ATF2: variants seen among roughly 807,000 people sequenced by gnomAD.
ATF2 encodes cyclic AMP-dependent transcription factor ATF-2.
In ATF2, 24 loss-of-function variants were observed where a neutral mutation model predicts 60.6. That is an observed-to-expected ratio of 0.40 (90% CI 0.29 to 0.56). The LOEUF (loss-of-function observed/expected upper bound fraction) is 0.56. ATF2 is among the 20% of genes least tolerant of loss of function. The probability of loss-of-function intolerance (pLI) is 0.54; values close to 1 mark genes in which losing one functional copy is unlikely to be tolerated. For synonymous variants in ATF2, 206 were observed against 215.4 expected (o/e 0.96, Z 0.38); for missense variants, 433 against 607.7 (o/e 0.71, Z 3.02).
In ATF2 at chr2:175,088,440, A is replaced by T. The variant is rs1211327449; in HGVS notation, c.1185+4621T>A. 2.6e-5 allele frequency among the ~76,000 whole-genome samples: 4 copies of T among 152,198 alleles called. No homozygotes were observed. The East Asian group carries it at 7.7e-4, about 29-fold the overall frequency. On this transcript the variant is annotated intron_variant, in intron 12 of 13. Transcript: ENST00000264110. ...ATTTTCTATAAGTCAACGGACCAAT[A>T]AAACCTTTTCCACATCATTAACTTA...
intron 1 of ATF2, among the ~76,000 whole-genome samples, chr2:175,156,377 CA>C (rs57399474): frequency 0.035 from 1,948 of 55,960 alleles, 6 homozygotes; most frequent in African/African-American, 0.057. Context: ...TCTCAAAAAA[CA>C]AAAAAAAAAA....
chr2:175,101,207 CTG>C (rs1165040897), intron 10 of ATF2, among the ~76,000 whole-genome samples: 1 of 152,044 alleles, frequency 6.6e-6, no homozygotes, highest in Non-Finnish European at 1.5e-5. Flanking sequence ...TGGATTAAAA[CTG>C]AAATTAAATG....
intron 2 of ATF2, among the ~76,000 whole-genome samples, chr2:175,142,698 A>G (rs1042170734): frequency 8.0e-5 from 9 of 112,776 alleles, no homozygotes; most frequent in African/African-American, 2.8e-4. Context: ...AGAGAGAGAG[A>G]GAGAGAGAGA....
intron 12 of ATF2, among the ~76,000 whole-genome samples, chr2:175,089,689 C>T (rs1341086652): frequency 2.0e-5 from 3 of 152,154 alleles, no homozygotes; most frequent in Non-Finnish European, 4.4e-5. Context: ...TACAATCTGT[C>T]ACTTTTAAAA....
At chr2:175,140,702 T>C (rs1183319841) in intron 2 of ATF2, among the ~76,000 whole-genome samples, 1 of 150,752 alleles carries the variant, frequency 6.6e-6, no homozygotes, top group Non-Finnish European at 1.5e-5. Flanking sequence ...AAATAATAAA[T>C]CCTGCCCAAG....
chr2:175,086,255 T>C (rs142281571), intron 12 of ATF2, among the ~76,000 whole-genome samples: 5 of 152,312 alleles, frequency 3.3e-5, no homozygotes, highest in South Asian at 2.1e-4. Context: ...TGTACTCTAA[T>C]AGTCGATTTC....
At chr2:175,100,331 G>A (rs1428025466) in intron 10 of ATF2, among the ~76,000 whole-genome samples, 2 of 152,094 alleles carry the variant, frequency 1.3e-5, no homozygotes, top group Non-Finnish European at 2.9e-5. Flanking sequence ...TACTACTGAG[G>A]CCTCTATTTT....
At chr2:175,110,501 T>G (rs1359982445) in intron 10 of ATF2, among the ~76,000 whole-genome samples, 2 of 152,238 alleles carry the variant, frequency 1.3e-5, no homozygotes, top group Non-Finnish European at 2.9e-5. Context: ...TTGTTAGCCC[T>G]ATTATGATAT....
intron 12 of ATF2, among the ~76,000 whole-genome samples, chr2:175,083,002 C>G (rs912301376): frequency 6.6e-6 from 1 of 151,966 alleles, no homozygotes; most frequent in African/African-American, 2.4e-5. Flanking sequence ...AAAGAGGATA[C>G]AAACAAATGG....
chr2:175,127,848 C>T (rs992476478), intron 4 of ATF2, among the ~76,000 whole-genome samples: 8 of 152,022 alleles, frequency 5.3e-5, no homozygotes, highest in African/African-American at 1.5e-4. Flanking sequence ...ATGTTTACCT[C>T]GCTCTACATC....
At chr2:175,135,342 T>C (rs1698063631) in intron 3 of ATF2, among the ~76,000 whole-genome samples, 1 of 152,116 alleles carries the variant, frequency 6.6e-6, no homozygotes, top group African/African-American at 2.4e-5. Context: ...CGAAAGTGAA[T>C]CTAATCAAGC....
chr2:175,145,651 T>C (rs147943845), intron 2 of ATF2, among the ~76,000 whole-genome samples: 29 of 152,280 alleles, frequency 1.9e-4, no homozygotes, highest in Non-Finnish European at 3.5e-4. Context: ...GGACCTCAGC[T>C]CCTTGAAGAA....
chr2:175,158,760 T>C (rs1401468389), intron 1 of ATF2, among the ~76,000 whole-genome samples: 1 of 151,794 alleles, frequency 6.6e-6, no homozygotes, highest in Non-Finnish European at 1.5e-5. Context: ...GCCAGGAAAA[T>C]TTTAAATTGT....
intron 2 of ATF2, among the ~76,000 whole-genome samples, chr2:175,148,884 A>T (rs1373184052): frequency 6.6e-6 from 1 of 152,050 alleles, no homozygotes; most frequent in African/African-American, 2.4e-5. Flanking sequence ...ACCTTTCTGG[A>T]CCCAATCAAT....
Position 175,111,549 on chromosome 2 carries a change from C to A in ATF2, c.828+19G>T. On this transcript the variant is annotated intron_variant, in intron 10 of 13. Transcript: ENST00000264110. The stretch of plus-strand genomic sequence containing the variant: ...AAACAGCCTCAAGCAATGTACAGAA[C>A]AAATAAAATCTGGCTTACCATTTTT... 1 of 1,595,620 alleles carries A rather than the reference C, an allele frequency of 6.3e-7. No individual in the cohort carries two copies. The highest frequency in any genetic ancestry group is 8.6e-7 in the Non-Finnish European group (1 of 1,163,946).
At chr2:175,133,164 A>T (rs1697867948) in intron 3 of ATF2, among the ~76,000 whole-genome samples, 1 of 152,200 alleles carries the variant, frequency 6.6e-6, no homozygotes, top group Admixed American at 6.5e-5. Context: ...AATCTGTAAC[A>T]AAATGCAAAA....
At chr2:175,079,853 T>G (rs1457735574) in intron 13 of ATF2, among the ~76,000 whole-genome samples, 1 of 152,154 alleles carries the variant, frequency 6.6e-6, no homozygotes, top group African/African-American at 2.4e-5. Flanking sequence ...CACTAAATCA[T>G]AAAGACTAAA....
chr2:175,113,966 A>C, intron 9 of ATF2, 28 bp downstream of exon 9: 42 of 1,552,792 alleles, frequency 2.7e-5, no homozygotes, highest in Non-Finnish European at 3.3e-5. Context: ...GTTTTGCGAT[A>C]GAGATTTAAA....
chr2:175,136,024 T>G (rs73973700), intron 3 of ATF2, among the ~76,000 whole-genome samples: 2 of 140,562 alleles, frequency 1.4e-5, no homozygotes, highest in Non-Finnish European at 3.1e-5. Flanking sequence ...TGTTTTTTTT[T>G]TTTTTTTTTG....
Sources: allele counts gnomAD v4.1 joint callset (sites outside exome capture counted in the v4.1 genomes callset), GRCh38; gene constraint gnomAD v4.1.1; transcripts MANE v1.5; gene names NCBI Gene and HGNC (gene_info 2026-07-23, HGNC 2026-07-21).